The following PPP1R12B variants were observed in gnomAD, a reference collection of about 807,000 sequenced individuals.
PPP1R12B encodes the protein myosin phosphatase target subunit 2.
In PPP1R12B, 76 loss-of-function variants were observed where a neutral mutation model predicts 126.1. The ratio of observed to expected loss-of-function variants is 0.60; its 90% CI spans 0.50 to 0.73. The LOEUF is 0.73. PPP1R12B is among the 30% of genes least tolerant of loss of function. The pLI, the probability that PPP1R12B is intolerant of heterozygous loss-of-function variation, is 0.00. For synonymous variants in PPP1R12B, 356 were observed against 434.7 expected (o/e 0.82, Z 2.25); for missense variants, 1,052 against 1,205.1 (o/e 0.87, Z 1.88).
rs937804459 is a variant in PPP1R12B at position 202,553,205 on chromosome 1, C to G, written c.2491-5672C>G. On this transcript the variant is annotated intron_variant, in intron 18 of 23. Transcript: ENST00000608999. ...CAGCTAATCATTCTTTTTACCTCTACTCTACAATGTATTCATATTGGTTTC... is the reference window on the plus strand; with the variant it reads ...CAGCTAATCATTCTTTTTACCTCTAGTCTACAATGTATTCATATTGGTTTC... 5.9e-5 allele frequency among the ~76,000 whole-genome samples: 9 copies of G among 152,204 alleles called. 1 individual carries two copies. Among genetic ancestry groups the G allele is most frequent in the African/African-American group, 1.9e-4 (8 of 41,450 alleles).
At chr1:202,387,838 A>G (rs1663416253) in intron 1 of PPP1R12B, among the ~76,000 whole-genome samples, 1 of 152,146 alleles carries the variant, frequency 6.6e-6, no homozygotes, top group Non-Finnish European at 1.5e-5. Flanking sequence ...ATTTGGGAAG[A>G]TAGGAGTGTT....
intron 18 of PPP1R12B, among the ~76,000 whole-genome samples, chr1:202,499,615 C>A (rs1679974889): frequency 1.3e-5 from 2 of 152,304 alleles, no homozygotes; most frequent in South Asian, 4.1e-4. Flanking sequence ...TTATCTTATG[C>A]CTCCAGTCAG....
At chr1:202,495,235 G>A in intron 15 of PPP1R12B, 58 bp from the exon 16 acceptor site, 1 of 1,452,514 alleles carries the variant, frequency 6.9e-7, no homozygotes, top group Non-Finnish European at 9.3e-7. Context: ...TAAACCTGCT[G>A]TCCTTACTCT....
intron 12 of PPP1R12B, among the ~76,000 whole-genome samples, chr1:202,443,559 T>C (rs548547183): frequency 6.6e-6 from 1 of 152,382 alleles, no homozygotes; most frequent in East Asian, 1.9e-4. Flanking sequence ...ATACATTCTA[T>C]AAGAAAGGGC....
intron 3 of PPP1R12B, among the ~76,000 whole-genome samples, chr1:202,425,000 G>C (rs1669314462): frequency 6.6e-6 from 1 of 152,152 alleles, no homozygotes; most frequent in Non-Finnish European, 1.5e-5. Flanking sequence ...CTGAAACCAA[G>C]ATTTTGGATA....
At chr1:202,349,186 T>C in intron 1 of PPP1R12B, 44 bp downstream of exon 1, 1 of 1,604,632 alleles carries the variant, frequency 6.2e-7, no homozygotes, top group Non-Finnish European at 8.5e-7. Flanking sequence ...CTCCTACAGA[T>C]GAGCCTTTGA....
chr1:202,416,183 A>T (rs957429716), intron 1 of PPP1R12B, among the ~76,000 whole-genome samples: 1 of 152,208 alleles, frequency 6.6e-6, no homozygotes, highest in Non-Finnish European at 1.5e-5. Flanking sequence ...CATTTGTAGC[A>T]CTTTAGAAAT....
At chr1:202,440,673 C>G (rs79725731) in intron 10 of PPP1R12B, 33 bp from the exon 11 acceptor site, 17 of 1,525,922 alleles carry the variant, frequency 1.1e-5, no homozygotes, top group South Asian at 3.4e-5. Context: ...AGTATTGTAC[C>G]TTTCTTGTGC....
chr1:202,350,195 A>G (rs1188039464), intron 1 of PPP1R12B, among the ~76,000 whole-genome samples: 1 of 152,138 alleles, frequency 6.6e-6, no homozygotes, highest in Non-Finnish European at 1.5e-5. Context: ...TATGTTTGCA[A>G]CCCTTCTATT....
chr1:202,441,121 C>T (rs371343421), intron 11 of PPP1R12B, among the ~76,000 whole-genome samples: 27 of 152,276 alleles, frequency 1.8e-4, no homozygotes, highest in African/African-American at 6.0e-4. Flanking sequence ...GTTCCTAGCA[C>T]AGTGCCTAAC....
At chr1:202,372,282 T>C (rs1660420426) in intron 1 of PPP1R12B, among the ~76,000 whole-genome samples, 2 of 152,028 alleles carry the variant, frequency 1.3e-5, no homozygotes, top group African/African-American at 4.8e-5. Context: ...AGTGGGTGGA[T>C]TGCTTGAATC....
At chr1:202,517,410 A>G (rs1412387572) in intron 18 of PPP1R12B, among the ~76,000 whole-genome samples, 4 of 152,208 alleles carry the variant, frequency 2.6e-5, no homozygotes, top group African/African-American at 9.6e-5. Context: ...GTTCTCAGCT[A>G]TGTATTTACG....
At chr1:202,453,943 C>T (rs1218497946) in intron 13 of PPP1R12B, among the ~76,000 whole-genome samples, 1 of 152,108 alleles carries the variant, frequency 6.6e-6, no homozygotes, top group Non-Finnish European at 1.5e-5. Context: ...ATAGTAAATG[C>T]TTCTATACTT....
intron 18 of PPP1R12B, among the ~76,000 whole-genome samples, chr1:202,518,471 G>A (rs753340897): frequency 2.6e-5 from 4 of 152,150 alleles, no homozygotes; most frequent in Non-Finnish European, 5.9e-5. Flanking sequence ...GGATTATAAG[G>A]CAGCCATTTA....
In PPP1R12B at chr1:202,588,075, T is replaced by G. The variant is rs1689930916; in HGVS notation, c.*7515T>G. 6.6e-6 allele frequency: 1 copy of G among 152,424 alleles called. No individual in the cohort carries two copies. The highest frequency in any genetic ancestry group is 2.1e-4 in the South Asian group (1 of 4,834). 9.4% of individuals were successfully genotyped at this position (152,424 alleles called of 1,614,324 possible). On this transcript the variant is annotated 3_prime_UTR_variant, in exon 24 of 24. Transcript: ENST00000608999. Reference sequence around the variant, plus strand: ...TTCTTGGAGAAGCTACAGCCTGTGCTCAGTTGAGTGGTTCACACTCAGACT... The same window carrying G: ...TTCTTGGAGAAGCTACAGCCTGTGCGCAGTTGAGTGGTTCACACTCAGACT...
At chr1:202,529,744 C>G (rs1683732245) in intron 18 of PPP1R12B, among the ~76,000 whole-genome samples, 2 of 152,142 alleles carry the variant, frequency 1.3e-5, no homozygotes, top group Non-Finnish European at 2.9e-5. Context: ...GCCTGGCATA[C>G]AGATTATAAG....
At chr1:202,415,168 T>A (rs1667906986) in intron 1 of PPP1R12B, among the ~76,000 whole-genome samples, 1 of 151,942 alleles carries the variant, frequency 6.6e-6, no homozygotes, top group Non-Finnish European at 1.5e-5. Context: ...CACAGAATAT[T>A]AAAAAAAACA....
chr1:202,414,065 G>A (rs1300471252), intron 1 of PPP1R12B, among the ~76,000 whole-genome samples: 1 of 152,102 alleles, frequency 6.6e-6, no homozygotes, highest in Non-Finnish European at 1.5e-5. Context: ...GAGATTACAG[G>A]TGTGCACCAC....
intron 18 of PPP1R12B, among the ~76,000 whole-genome samples, chr1:202,513,353 A>T (rs916522165): frequency 6.6e-6 from 1 of 152,184 alleles, no homozygotes; most frequent in African/African-American, 2.4e-5. Context: ...GCAATGCATG[A>T]TATTCATTTT....
Sources: gnomAD v4.1 joint callset for allele counts (sites outside exome capture counted in the v4.1 genomes callset) on GRCh38, gnomAD v4.1.1 for gene constraint, MANE v1.5 for transcripts, NCBI Gene and HGNC (gene_info 2026-07-23, HGNC 2026-07-21) for gene names.